Variants in HEATR5B observed in about 807,000 individuals in gnomAD.
HEATR5B encodes the protein HEAT repeat containing 5B, also known as HEAT repeat-containing protein 5B.
A neutral mutation model predicts 224.1 loss-of-function variants in HEATR5B; 156 were observed. The ratio of observed to expected loss-of-function variants is 0.70; its 90% CI spans 0.61 to 0.80. The LOEUF is 0.80. Among genes scored for constraint, HEATR5B ranks in the 30% least tolerant of loss-of-function variants. HEATR5B has a pLI of 0.00. For synonymous variants in HEATR5B, 1,027 were observed against 893.0 expected (o/e 1.15, Z -2.68); for missense variants, 2,323 against 2,535.5 (o/e 0.92, Z 1.80).
At chr2:37,005,849 C>A in intron 29 of HEATR5B, 90 bp from the exon 30 acceptor site, 1 of 1,031,946 alleles carries the variant, frequency 9.7e-7, no homozygotes, top group Non-Finnish European at 1.4e-6. Context: ...TATGTTTTTA[C>A]AGATTACCTT....
Position 37,049,748 on chromosome 2 carries a change from G to A in HEATR5B, c.2601C>T (p.Ile867=). The change falls in exon 18 of 36, where the codon ATC becomes ATT. Residue 867 remains isoleucine, a synonymous_variant. Coordinates refer to ENST00000233099, the MANE Select transcript of HEATR5B (RefSeq NM_019024.3). ...VMGPLDNPNP[I]LRCAAGEALG... Reference sequence around the variant, plus strand: ...GAGCTTCCCCCGCTGCACAACGTAAGATGGGGTTTGGGTTGTCCAGAGGAC... The same window carrying A: ...GAGCTTCCCCCGCTGCACAACGTAAAATGGGGTTTGGGTTGTCCAGAGGAC... The A allele has an allele frequency of 6.2e-7, 1 of 1,601,918 alleles. No individual in the cohort carries two copies. Among genetic ancestry groups the A allele is most frequent in the Non-Finnish European group, 8.5e-7 (1 of 1,173,774 alleles).
At chr2:37,059,037 G>A (rs914546470) in intron 12 of HEATR5B, 50 bp from the exon 13 acceptor site, 9 of 1,111,096 alleles carry the variant, frequency 8.1e-6, no homozygotes, top group Non-Finnish European at 1.2e-5. Flanking sequence ...TTGTGAACAT[G>A]AATTAATTTA....
rs150474538 is a variant in HEATR5B, at chr2:37,084,291, C to T, written c.-45G>A. ...CACCTCGTAGTCTGGAAGGGAAGAT[C>T]AGCTGAGCTCCGGGGGTAGAAGCAG... On this transcript the variant is annotated 5_prime_UTR_variant, in exon 1 of 36. Transcript: ENST00000233099. 880 of 395,618 alleles carry T rather than the reference C, an allele frequency of 2.2e-3. 5 individuals carry two copies. The highest frequency in any genetic ancestry group is 0.011 in the Middle Eastern group (17 of 1,568). The allele number at this position is 395,618 out of a possible 1,614,324, so 24.5% of individuals were successfully genotyped here.
chr2:37,053,108 T>C (rs985592529), intron 17 of HEATR5B, among the ~76,000 whole-genome samples: 10 of 152,122 alleles, frequency 6.6e-5, no homozygotes, highest in African/African-American at 2.4e-4. Context: ...GAGAACGCAA[T>C]CTCTAAATGC....
At chr2:37,059,464 A>T (rs370169398) in intron 12 of HEATR5B, among the ~76,000 whole-genome samples, 20,715 of 65,284 alleles carry the variant, frequency 0.32, 3,296 homozygotes, top group African/African-American at 0.45. Flanking sequence ...ATATATATAT[A>T]TTTTTTTTTT....
intron 27 of HEATR5B, among the ~76,000 whole-genome samples, chr2:37,009,420 C>G (rs550713255): frequency 1.3e-5 from 2 of 151,424 alleles, no homozygotes; most frequent in Admixed American, 6.6e-5. Context: ...CAAAAAATAA[C>G]AAAAATGCTA....
intron 16 of HEATR5B, 23 bp from the exon 17 acceptor site, chr2:37,053,630 T>A (rs965631070): frequency 7.0e-7 from 1 of 1,434,118 alleles, no homozygotes; most frequent in Non-Finnish European, 9.7e-7. Flanking sequence ...GAAAAAAAAA[T>A]CACATTAGTG....
rs561364684 is a variant in HEATR5B, at chr2:37,007,205, C to G, written c.4622G>C (p.Ser1541Thr). 10 of 1,614,072 alleles carry G rather than the reference C, an allele frequency of 6.2e-6. No homozygotes were observed. Among genetic ancestry groups the G allele is most frequent in the Admixed American group, 5.0e-5 (3 of 59,990 alleles). The change falls in exon 29 of 36, where the codon AGC becomes ACC. Residue 1541 changes from serine (S) to threonine (T), a missense_variant. This residue lies in a region of HEATR5B where 844 missense variants were observed against 812.9 expected (regional missense o/e 1.04). Transcript: ENST00000233099. ...AGACTCTGAGCACGTAAATCCTGTG[C>G]TATTTAACCAAAGTGCCACCGCATG... Reference protein sequence around the residue: ...ILHAVALWLNSTGFTCSESTE... With the variant: ...ILHAVALWLNTTGFTCSESTE...
chr2:37,062,347 T>G (rs188430328), intron 10 of HEATR5B, among the ~76,000 whole-genome samples: 1 of 152,276 alleles, frequency 6.6e-6, no homozygotes, highest in East Asian at 1.9e-4. Context: ...GGAGAATTGC[T>G]TGAACTGGGG....
intron 7 of HEATR5B, among the ~76,000 whole-genome samples, chr2:37,069,900 C>CTTTTTT (rs11372186): frequency 7.1e-6 from 1 of 140,378 alleles, no homozygotes; most frequent in Admixed American, 7.2e-5. Flanking sequence ...TGAACAAAAT[C>CTTTTTT]TTTTTTTTTT....
intron 1 of HEATR5B, 86 bp downstream of exon 1, chr2:37,084,183 G>T: frequency 3.4e-6 from 1 of 294,604 alleles, no homozygotes; most frequent in Non-Finnish European, 6.3e-6. Context: ...TGTTCATTAC[G>T]AACTCAAATG....
At chr2:37,061,395 A>G (rs1372371561) in intron 11 of HEATR5B, among the ~76,000 whole-genome samples, 1 of 152,232 alleles carries the variant, frequency 6.6e-6, no homozygotes, top group Non-Finnish European at 1.5e-5. Context: ...ATAACTTTGT[A>G]GTACATATAT....
chr2:37,028,848 GTT>G lies in HEATR5B; in HGVS notation c.3432_3433del (p.Thr1145ArgfsTer5). 6.2e-7 allele frequency: 1 copy of G among 1,614,030 alleles called. No homozygotes were observed. The highest frequency in any genetic ancestry group is 8.5e-7 in the Non-Finnish European group (1 of 1,179,932). On this transcript the variant is annotated frameshift_variant, in exon 23 of 36. Transcript: ENST00000233099. LOFTEE classifies it high-confidence loss of function. ...AAGAAGTCCCTCAAGACCAGTTTCT[GTT>G]ATATTAACACCTTGGTGCCGGCAAT...
intron 20 of HEATR5B, among the ~76,000 whole-genome samples, chr2:37,038,435 C>G (rs572310460): frequency 1.4e-4 from 21 of 152,254 alleles, no homozygotes; most frequent in Non-Finnish European, 2.8e-4. Flanking sequence ...CCACTGCACC[C>G]GGCCTATATG....
chr2:36,997,267 C>T (rs372943707), intron 33 of HEATR5B, among the ~76,000 whole-genome samples: 2 of 152,104 alleles, frequency 1.3e-5, no homozygotes, highest in Non-Finnish European at 2.9e-5. Flanking sequence ...TCACTGCAGG[C>T]TTGATTTCTC....
chr2:37,033,605 T>C (rs993535066), intron 21 of HEATR5B, among the ~76,000 whole-genome samples: 3 of 152,128 alleles, frequency 2.0e-5, no homozygotes, highest in Admixed American at 6.6e-5. Context: ...ATTTTTTTCA[T>C]CTGAAAGGTC....
Position 37,049,755 on chromosome 2 carries a change from T to C in HEATR5B, c.2594A>G (p.Asn865Ser). ...CCCCGCTGCACAACGTAAGATGGGG[T>C]TTGGGTTGTCCAGAGGACCCATAAC... is the stretch of plus-strand genomic sequence containing the variant. ...TLVMGPLDNP[N>S]PILRCAAGEA... The change falls in exon 18 of 36, where the codon AAC becomes AGC. Residue 865 changes from asparagine to serine, a missense_variant. Transcript: ENST00000233099. 6.2e-7 allele frequency: 1 copy of C among 1,613,308 alleles called. No individual in the cohort carries two copies. Among genetic ancestry groups the C allele is most frequent in the Non-Finnish European group, 8.5e-7 (1 of 1,179,934 alleles).
chr2:37,022,203 G>A (rs890926395), intron 24 of HEATR5B, among the ~76,000 whole-genome samples: 8 of 151,452 alleles, frequency 5.3e-5, no homozygotes, highest in Non-Finnish European at 1.0e-4. Flanking sequence ...TTGAGATGGA[G>A]TATTGCTCTG....
chr2:37,040,915 A>G (rs1669832422), intron 19 of HEATR5B: 1 of 493,756 alleles, frequency 2.0e-6, no homozygotes, highest in African/African-American at 1.9e-5. Context: ...TAAAAAGAAA[A>G]TATGTTTGAA....
Sources: allele counts gnomAD v4.1 joint callset (sites outside exome capture counted in the v4.1 genomes callset), GRCh38; gene constraint gnomAD v4.1.1; regional missense constraint gnomAD v4.1.1; transcripts MANE v1.5; gene names NCBI Gene and HGNC (gene_info 2026-07-23, HGNC 2026-07-21).